Variants in MACROD2 observed in about 807,000 individuals in gnomAD.
MACROD2 encodes mono-ADP ribosylhydrolase 2, also known as ADP-ribose glycohydrolase MACROD2.
MACROD2 carries 36 observed loss-of-function variants against 70.4 expected under a neutral mutation model. The observed-to-expected ratio is 0.51, with a 90% CI of 0.39 to 0.68. The LOEUF is 0.68. MACROD2 is among the 30% of genes least tolerant of loss of function. The probability of loss-of-function intolerance (pLI) is 0.00; values close to 1 mark genes in which losing one functional copy is unlikely to be tolerated. For missense variants in MACROD2, 496 were observed against 538.4 expected, an observed-to-expected ratio of 0.92 and a Z score of 0.78; for synonymous variants, 172 against 178.8, an observed-to-expected ratio of 0.96 and a Z score of 0.30.
At chr20:15,435,043 G>C (rs1009418540) in intron 7 of MACROD2, among the ~76,000 whole-genome samples, 1 of 152,090 alleles carries the variant, frequency 6.6e-6, no homozygotes, top group Non-Finnish European at 1.5e-5. Flanking sequence ...AGGGGTTTGA[G>C]GGATGTAAAA....
At chr20:15,953,941 T>C (rs1048276332) in intron 12 of MACROD2, among the ~76,000 whole-genome samples, 7 of 152,092 alleles carry the variant, frequency 4.6e-5, no homozygotes, top group African/African-American at 1.7e-4. Flanking sequence ...TGCTCACTGT[T>C]TTTTCTTGTG....
At chr20:15,775,455 G>C (rs1046966124) in intron 8 of MACROD2, among the ~76,000 whole-genome samples, 1 of 151,990 alleles carries the variant, frequency 6.6e-6, no homozygotes, top group African/African-American at 2.4e-5. Context: ...TAGCCCTTAG[G>C]GAATAAAGCC....
intron 5 of MACROD2, among the ~76,000 whole-genome samples, chr20:15,201,574 A>G (rs1195733936): frequency 6.6e-6 from 1 of 152,234 alleles, no homozygotes; most frequent in Non-Finnish European, 1.5e-5. Flanking sequence ...ACAGTTTGTT[A>G]CATGAAAGAA....
intron 13 of MACROD2, among the ~76,000 whole-genome samples, chr20:15,973,828 T>C (rs541963286): frequency 1.3e-5 from 2 of 152,278 alleles, no homozygotes; most frequent in South Asian, 4.1e-4. Flanking sequence ...AGCAAAAAAA[T>C]CTCCAGTGAC....
At chr20:14,807,458 A>G (rs1253316800) in intron 5 of MACROD2, among the ~76,000 whole-genome samples, 4 of 152,148 alleles carry the variant, frequency 2.6e-5, no homozygotes, top group Non-Finnish European at 5.9e-5. Context: ...CAAAGGCCAA[A>G]GGTAGATAAA....
chr20:14,539,241 AG>A (rs1340427999), intron 4 of MACROD2, among the ~76,000 whole-genome samples: 3 of 152,252 alleles, frequency 2.0e-5, no homozygotes, highest in African/African-American at 7.2e-5. Context: ...TCTTTTATTT[AG>A]GGGAAGGAAA....
intron 8 of MACROD2, among the ~76,000 whole-genome samples, chr20:15,519,977 T>C (rs576028500): frequency 1.4e-4 from 21 of 152,300 alleles, no homozygotes; most frequent in Admixed American, 7.8e-4. Context: ...TAGAACTCCA[T>C]GCGATGCAGA....
chr20:15,093,133 C>T lies in MACROD2; in HGVS notation c.419-136807C>T, dbSNP rs115987769. ...AAGTGATTATTTGTAAAAACAAAAG[C>T]GAAATAAAATTATGATAATCTCCCC... On this transcript the variant is annotated intron_variant, in intron 5 of 17. Coordinates refer to ENST00000684519, the MANE Select transcript of MACROD2 (RefSeq NM_001351661.2). Among the ~76,000 whole-genome samples the T allele has an allele frequency of 7.4e-3, 1,119 of 152,136 alleles. 9 individuals are homozygous for T. The highest frequency in any genetic ancestry group is 0.026 in the African/African-American group (1,079 of 41,508).
chr20:15,401,770 A>G (rs555933504), intron 6 of MACROD2, among the ~76,000 whole-genome samples: 30 of 152,274 alleles, frequency 2.0e-4, no homozygotes, highest in African/African-American at 7.0e-4. Context: ...CAATAGAGAA[A>G]TTGTAGTTAT....
rs140743239 is a variant in MACROD2 at position 15,465,326 on chromosome 20, G to A, written c.571+33891G>A. On this transcript the variant is annotated intron_variant, in intron 7 of 17. Transcript: ENST00000684519. Reference sequence around the variant, plus strand: ...TAGAATAGTTTTTGACTTTTAACATGAAAATGAAAACCAGCATTTAGCCAC... The same window carrying A: ...TAGAATAGTTTTTGACTTTTAACATAAAAATGAAAACCAGCATTTAGCCAC... 3.8e-3 allele frequency among the ~76,000 whole-genome samples: 573 copies of A among 152,298 alleles called. 9 individuals carry two copies. The highest frequency in any genetic ancestry group is 0.013 in the African/African-American group (559 of 41,570).
intron 6 of MACROD2, among the ~76,000 whole-genome samples, chr20:15,284,290 C>G (rs750574600): frequency 3.3e-5 from 5 of 152,260 alleles, no homozygotes; most frequent in Non-Finnish European, 5.9e-5. Context: ...TTTCCTCTAT[C>G]TAGATTTAGG....
intron 5 of MACROD2, among the ~76,000 whole-genome samples, chr20:15,081,818 ATACT>A (rs945079591): frequency 1.2e-4 from 19 of 152,224 alleles, no homozygotes; most frequent in African/African-American, 3.1e-4. Context: ...TAAGTTATAC[ATACT>A]TAGTTTACTA....
At chr20:14,611,003 C>T (rs749842267) in intron 4 of MACROD2, among the ~76,000 whole-genome samples, 5 of 152,062 alleles carry the variant, frequency 3.3e-5, no homozygotes, top group Non-Finnish European at 5.9e-5. Flanking sequence ...TCATAGAGGG[C>T]TTTGCTGGAA....
chr20:15,423,878 A>G (rs2046262561), intron 6 of MACROD2, among the ~76,000 whole-genome samples: 1 of 152,244 alleles, frequency 6.6e-6, no homozygotes, highest in African/African-American at 2.4e-5. Flanking sequence ...TTAAACAACA[A>G]GCATTTATTT....
intron 8 of MACROD2, among the ~76,000 whole-genome samples, chr20:15,836,942 CAAGG>C (rs1382366497): frequency 6.6e-6 from 1 of 152,178 alleles, no homozygotes; most frequent in Non-Finnish European, 1.5e-5. Flanking sequence ...ATGGAAACCA[CAAGG>C]AATGGGCCTT....
At chr20:15,497,383 C>T (rs148873221) in intron 7 of MACROD2, among the ~76,000 whole-genome samples, 90 of 152,142 alleles carry the variant, frequency 5.9e-4, no homozygotes, top group African/African-American at 2.0e-3. Context: ...ACCTCTGCCT[C>T]GCAGGTTCAA....
intron 3 of MACROD2, among the ~76,000 whole-genome samples, chr20:14,098,921 A>G (rs1365016731): frequency 6.6e-6 from 1 of 152,130 alleles, no homozygotes; most frequent in Non-Finnish European, 1.5e-5. Flanking sequence ...AAACACACAC[A>G]CAGAAATATA....
At chr20:14,096,160 C>T (rs1162006522) in intron 3 of MACROD2, among the ~76,000 whole-genome samples, 4 of 152,160 alleles carry the variant, frequency 2.6e-5, no homozygotes, top group East Asian at 1.9e-4. Flanking sequence ...TTTTTCTCCA[C>T]GTACAGATGG....
chr20:15,646,974 A>G (rs538060643), intron 8 of MACROD2, among the ~76,000 whole-genome samples: 1 of 152,366 alleles, frequency 6.6e-6, no homozygotes, highest in East Asian at 1.9e-4. Flanking sequence ...GTTTGGCTCC[A>G]GAATCCATAC....
Sources: gnomAD v4.1 joint callset for allele counts (sites outside exome capture counted in the v4.1 genomes callset) on GRCh38, gnomAD v4.1.1 for gene constraint, MANE v1.5 for transcripts, NCBI Gene and HGNC (gene_info 2026-07-23, HGNC 2026-07-21) for gene names.